The following NDUFAF7 variants were observed in gnomAD, a reference collection of about 807,000 sequenced individuals.
The protein encoded by NDUFAF7 is protein arginine methyltransferase NDUFAF7, mitochondrial.
A neutral mutation model predicts 47.2 loss-of-function variants in NDUFAF7; 48 were observed. The observed-to-expected ratio is 1.02, with a 90% CI of 0.81 to 1.29. The LOEUF (loss-of-function observed/expected upper bound fraction) is 1.29. NDUFAF7 is among the 50% of genes most tolerant of loss of function. NDUFAF7 has a pLI of 0.00. For synonymous variants in NDUFAF7, 217 were observed against 190.0 expected (o/e 1.14, Z -1.17); for missense variants, 635 against 537.6 (o/e 1.18, Z -1.79).
At position 37,241,755 on chromosome 2, in the gene NDUFAF7, A is replaced by G. The variant is rs760139207; in HGVS notation, c.586A>G (p.Ile196Val). Residue 196 changes from isoleucine (I) to valine (V), a missense_variant, in exon 5 of 10, where the codon ATT becomes GTT. Ile to Val is a conservative substitution (Grantham distance 29). Coordinates refer to ENST00000002125, the MANE Select transcript of NDUFAF7 (RefSeq NM_144736.5). ...AGGTGTCACTAAGTCTGGGATTCCAATTTCCTGGTACCGAGATCTGCACGA... is the reference window on the plus strand; with the variant it reads ...AGGTGTCACTAAGTCTGGGATTCCAGTTTCCTGGTACCGAGATCTGCACGA... The part of the protein sequence containing the change: ...MKGVTKSGIP[I>V]SWYRDLHDVP... The G allele has an allele frequency of 5.1e-6, 7 of 1,379,404 alleles. No homozygotes were observed. Among genetic ancestry groups the G allele is most frequent in the Non-Finnish European group, 6.6e-6 (7 of 1,055,930 alleles). The allele number at this position is 1,379,404 out of a possible 1,614,324, so 85.4% of individuals were successfully genotyped here.
chr2:37,266,790 A>C, the NDUFAF7 span, among the ~76,000 whole-genome samples: 1 of 152,114 alleles, frequency 6.6e-6, no homozygotes, highest in Non-Finnish European at 1.5e-5. Flanking sequence ...ACCTGGCCAG[A>C]ATGAGCTATT....
At chr2:37,249,558 G>GACACACACACACACACACACACAC (rs56374800), downstream of NDUFAF7, among the ~76,000 whole-genome samples, 8 of 128,498 alleles carry the variant, frequency 6.2e-5, no homozygotes, top group African/African-American at 2.6e-4. Context: ...GCCTGTGATA[G>GACACACACACACACACACACACAC]ACACACACAC....
downstream of NDUFAF7, chr2:37,254,331 C>CA (rs1667763827): frequency 6.8e-7 from 1 of 1,479,558 alleles, no homozygotes. Flanking sequence ...TTTGGGTGCA[C>CA]AGAGTACCCC....
intron 4 of NDUFAF7, among the ~76,000 whole-genome samples, chr2:37,239,360 C>A (rs771357986): frequency 6.6e-6 from 1 of 152,110 alleles, no homozygotes; most frequent in Non-Finnish European, 1.5e-5. Flanking sequence ...TTGAAGTGGT[C>A]CGCCTGCCTC....
At chr2:37,262,669 C>T in the NDUFAF7 span, among the ~76,000 whole-genome samples, 1 of 142,278 alleles carries the variant, frequency 7.0e-6, no homozygotes, top group African/African-American at 2.8e-5. Context: ...AGTTGGCTGG[C>T]TCTATGCTTT....
At chr2:37,249,471 C>G (rs1025649545), downstream of NDUFAF7, among the ~76,000 whole-genome samples, 17 of 151,578 alleles carry the variant, frequency 1.1e-4, no homozygotes, top group Non-Finnish European at 1.5e-4. Flanking sequence ...TAGCTACTCA[C>G]GAGGCTGAGG....
At chr2:37,267,344 C>CT in the NDUFAF7 span, 567 of 900,156 alleles carry the variant, frequency 6.3e-4, 2 homozygotes, top group African/African-American at 9.6e-3. Context: ...ATTTTGCCTT[C>CT]TTAAAAAAAA....
At chr2:37,257,093 AG>A (rs1022836929), downstream of NDUFAF7, among the ~76,000 whole-genome samples, 2 of 152,212 alleles carry the variant, frequency 1.3e-5, no homozygotes, top group Non-Finnish European at 2.9e-5. Flanking sequence ...TTTTCTCAAA[AG>A]GCAGACACAT....
downstream of NDUFAF7, chr2:37,253,386 G>C: frequency 6.5e-7 from 1 of 1,546,328 alleles, no homozygotes; most frequent in Non-Finnish European, 8.8e-7. Flanking sequence ...TGAAACAAAA[G>C]AAACAAAATA....
chr2:37,235,706 G>C (rs1209719372), intron 2 of NDUFAF7, among the ~76,000 whole-genome samples: 2 of 151,654 alleles, frequency 1.3e-5, no homozygotes, highest in Non-Finnish European at 2.9e-5. Context: ...CTAGGCTGGA[G>C]TGCAGTGGCG....
chr2:37,259,038 A>G, the NDUFAF7 span, among the ~76,000 whole-genome samples: 1 of 128,752 alleles, frequency 7.8e-6, no homozygotes, highest in Non-Finnish European at 1.7e-5. Context: ...TTAGTGGATC[A>G]AGATGAACAC....
At chr2:37,243,732 G>A (rs1666608193) in intron 6 of NDUFAF7, 131 bp from the exon 7 acceptor site, 4 of 701,522 alleles carry the variant, frequency 5.7e-6, no homozygotes, top group Non-Finnish European at 1.0e-5. Flanking sequence ...ATGAATTTAA[G>A]TAATTTTAAA....
downstream of NDUFAF7, chr2:37,253,049 C>T: frequency 2.1e-6 from 2 of 962,070 alleles, no homozygotes; most frequent in South Asian, 2.0e-5. Flanking sequence ...GTACTGGTGT[C>T]ACTTATTCGT....
At chr2:37,259,716 GAAAATCACAAGT>G in the NDUFAF7 span, 1 of 1,468,414 alleles carries the variant, frequency 6.8e-7, no homozygotes, top group Non-Finnish European at 9.5e-7. Context: ...TCAATGTCTG[GAAAATCACAAGT>G]AAACCTCATG....
chr2:37,259,938 G>C, the NDUFAF7 span, among the ~76,000 whole-genome samples: 16 of 152,296 alleles, frequency 1.1e-4, no homozygotes, highest in Non-Finnish European at 1.8e-4. Flanking sequence ...ACCTAGGCAG[G>C]TGGATCACTT....
At position 37,246,167 on chromosome 2, in the gene NDUFAF7, A is replaced by T; in HGVS notation, c.908A>T (p.His303Leu). 1 of 1,613,918 alleles carries T rather than the reference A, an allele frequency of 6.2e-7. No individual in the cohort carries two copies. The highest frequency in any genetic ancestry group is 1.1e-5 in the South Asian group (1 of 91,078). The change falls in exon 8 of 10, where the codon CAT becomes CTT. Residue 303 changes from histidine to leucine, a missense_variant. Coordinates refer to ENST00000002125, the MANE Select transcript of NDUFAF7 (RefSeq NM_144736.5). ...GGAALVADYG[H>L]DGTKTDTFRG... ...GCTGCACTGGTTGCTGATTATGGTC[A>T]TGATGGAACAAAGACAGATACCTTC... is the stretch of plus-strand genomic sequence containing the variant.
At chr2:37,269,725 C>G in the NDUFAF7 span, 2 of 1,380,824 alleles carry the variant, frequency 1.4e-6, no homozygotes, top group Non-Finnish European at 2.0e-6. Context: ...TTATTTATTT[C>G]TATAATACAA....
chr2:37,231,949 G>C (rs1005303459), intron 1 of NDUFAF7, 157 bp from the exon 2 acceptor site: 1 of 1,598,474 alleles, frequency 6.3e-7, no homozygotes, highest in African/African-American at 1.3e-5. Flanking sequence ...AGTGGGTGCT[G>C]TCTCTGCGCC....
chr2:37,268,756 TG>T, the NDUFAF7 span: 2 of 155,020 alleles, frequency 1.3e-5, no homozygotes, highest in African/African-American at 4.8e-5. Context: ...TAAACAGGAC[TG>T]AAAGATAGAA....
Sources: allele counts gnomAD v4.1 joint callset (sites outside exome capture counted in the v4.1 genomes callset), GRCh38; gene constraint gnomAD v4.1.1; transcripts MANE v1.5; gene names NCBI Gene and HGNC (gene_info 2026-07-23, HGNC 2026-07-21).